Variants in AOAH observed in about 807,000 individuals in gnomAD.
AOAH encodes acyloxyacyl hydrolase (neutrophil).
In AOAH, 64 loss-of-function variants were observed where a neutral mutation model predicts 92.2. The observed-to-expected ratio is 0.69, with a 90% confidence interval of 0.57 to 0.86. The LOEUF is 0.86. Among genes scored for constraint, AOAH ranks in the 40% least tolerant of loss-of-function variants. AOAH has a pLI of 0.00. For synonymous variants in AOAH, 263 were observed against 254.5 expected (o/e 1.03, Z -0.32); for missense variants, 656 against 694.6 (o/e 0.94, Z 0.62).
At chr7:36,538,317 G>A (rs938723443) in intron 16 of AOAH, among the ~76,000 whole-genome samples, 3 of 151,932 alleles carry the variant, frequency 2.0e-5, no homozygotes, top group Non-Finnish European at 4.4e-5. Flanking sequence ...ATGAGCCACC[G>A]TGCCTGGCCT....
At chr7:36,642,332 A>G (rs1435698892) in intron 4 of AOAH, among the ~76,000 whole-genome samples, 1 of 152,142 alleles carries the variant, frequency 6.6e-6, no homozygotes, top group African/African-American at 2.4e-5. Flanking sequence ...AAAAAGACAC[A>G]TAGAGGGAAG....
chr7:36,650,429 T>C (rs1225484506), intron 4 of AOAH, among the ~76,000 whole-genome samples: 1 of 152,052 alleles, frequency 6.6e-6, no homozygotes, highest in African/African-American at 2.4e-5. Flanking sequence ...TGGGGATGCA[T>C]GGTTTTGGAT....
At chr7:36,575,349 AAG>A (rs2116625801) in intron 13 of AOAH, among the ~76,000 whole-genome samples, 1 of 152,348 alleles carries the variant, frequency 6.6e-6, no homozygotes, top group South Asian at 2.1e-4. Context: ...GTGGCTGAGG[AAG>A]AGAGTCTTGG....
At chr7:36,521,103 T>A (rs1423611778) in intron 20 of AOAH, among the ~76,000 whole-genome samples, 2 of 152,058 alleles carry the variant, frequency 1.3e-5, no homozygotes, top group African/African-American at 4.8e-5. Flanking sequence ...TTCAGGCTCT[T>A]GAGGGGACAA....
At chr7:36,585,469 C>T (rs1026895158) in intron 12 of AOAH, among the ~76,000 whole-genome samples, 17 of 152,100 alleles carry the variant, frequency 1.1e-4, no homozygotes, top group African/African-American at 4.1e-4. Context: ...AAAATGTAAA[C>T]ATTTGGGTCC....
chr7:36,552,804 T>G (rs753996626), intron 13 of AOAH, among the ~76,000 whole-genome samples: 5 of 152,176 alleles, frequency 3.3e-5, no homozygotes, highest in Non-Finnish European at 5.9e-5. Context: ...AGCTCCTACT[T>G]GTAAGTGAGA....
chr7:36,586,776 T>G (rs759597361), intron 12 of AOAH, among the ~76,000 whole-genome samples: 4 of 152,238 alleles, frequency 2.6e-5, no homozygotes, highest in Admixed American at 6.5e-5. Context: ...TCAATTCATT[T>G]TAGATTATTA....
At chr7:36,688,810 CACATATATTTATGTGTATATAT>C (rs1435079605) in intron 1 of AOAH, among the ~76,000 whole-genome samples, 1 of 151,532 alleles carries the variant, frequency 6.6e-6, no homozygotes, top group Non-Finnish European at 1.5e-5. Context: ...CACACACACA[CACATATATTTATGTGTATATAT>C]ACATATATAT....
At chr7:36,610,510 T>TA (rs1562618998) in intron 11 of AOAH, among the ~76,000 whole-genome samples, 23 of 141,602 alleles carry the variant, frequency 1.6e-4, no homozygotes, top group Non-Finnish European at 3.3e-4. Flanking sequence ...TTTTTTTTTT[T>TA]TAAAAAAAAA....
chr7:36,513,317 G>T lies in AOAH; in HGVS notation c.1663C>A (p.Leu555Met), dbSNP rs942231604. The T allele has an allele frequency of 6.2e-7, 1 of 1,614,018 alleles. No individual in the cohort carries two copies. The highest frequency in any genetic ancestry group is 1.3e-5 in the African/African-American group (1 of 74,902). Residue 555 changes from leucine to methionine, a missense_variant, in exon 21 of 21, where the codon CTG becomes ATG. By Grantham distance (15) the Leu-to-Met change is conservative. Coordinates refer to ENST00000617537, the MANE Select transcript of AOAH (RefSeq NM_001637.4). ...KKVQLQWPQI[L>M]GKENPFNPQI... is the part of the protein sequence containing the mutation. ...GGGTTGAACGGATTCTCCTTTCCCA[G>T]GATTTGGGGCCACTGGAGCTGCACC...
chr7:36,660,537 G>A (rs1237106971), intron 3 of AOAH, among the ~76,000 whole-genome samples: 2 of 152,040 alleles, frequency 1.3e-5, no homozygotes, highest in Admixed American at 6.5e-5. Flanking sequence ...GGCTGGTCTC[G>A]AACTCTTGAC....
intron 5 of AOAH, among the ~76,000 whole-genome samples, chr7:36,632,455 A>G (rs1045259709): frequency 2.0e-5 from 3 of 152,208 alleles, no homozygotes; most frequent in Non-Finnish European, 4.4e-5. Flanking sequence ...TTCAAACAAA[A>G]TAATTCCATC....
At chr7:36,573,435 T>C (rs777118922) in intron 13 of AOAH, among the ~76,000 whole-genome samples, 2 of 152,144 alleles carry the variant, frequency 1.3e-5, no homozygotes, top group Non-Finnish European at 2.9e-5. Flanking sequence ...AAATGCGTTA[T>C]AGGGTCAGGC....
intron 11 of AOAH, 92 bp from the exon 12 acceptor site, chr7:36,594,522 G>A (rs1329251079): frequency 1.9e-6 from 2 of 1,063,806 alleles, no homozygotes; most frequent in South Asian, 1.3e-5. Flanking sequence ...TGCTCTCTGT[G>A]TGTCTGTTTC....
chr7:36,603,856 A>G (rs1054493849), intron 11 of AOAH, among the ~76,000 whole-genome samples: 6 of 152,216 alleles, frequency 3.9e-5, no homozygotes, highest in Admixed American at 3.3e-4. Context: ...ATAATAGCAG[A>G]GTCATTTCAG....
intron 6 of AOAH, among the ~76,000 whole-genome samples, chr7:36,630,664 T>A (rs1793011935): frequency 6.6e-6 from 1 of 152,074 alleles, no homozygotes; most frequent in African/African-American, 2.4e-5. Flanking sequence ...CGTTTCAAGA[T>A]GATTCTGAGA....
intron 19 of AOAH, among the ~76,000 whole-genome samples, chr7:36,527,954 C>T (rs1478864641): frequency 6.6e-6 from 1 of 152,228 alleles, no homozygotes; most frequent in Non-Finnish European, 1.5e-5. Context: ...GTACCTGACT[C>T]TGAGCTTAAG....
At chr7:36,670,656 T>C (rs7778939) in intron 3 of AOAH, among the ~76,000 whole-genome samples, 98,913 of 151,776 alleles carry the variant, frequency 0.65, 32,368 homozygotes, top group Non-Finnish European at 0.67. Context: ...TTTTGTATTT[T>C]AGTAGAGACA....
chr7:36,591,859 G>C (rs187424955), intron 12 of AOAH, among the ~76,000 whole-genome samples: 1 of 152,178 alleles, frequency 6.6e-6, no homozygotes, highest in Non-Finnish European at 1.5e-5. Context: ...TGGTGTGTGC[G>C]AGCTGTAAGC....
Sources: gnomAD v4.1 joint callset for allele counts (sites outside exome capture counted in the v4.1 genomes callset) on GRCh38, gnomAD v4.1.1 for gene constraint, MANE v1.5 for transcripts, NCBI Gene and HGNC (gene_info 2026-07-23, HGNC 2026-07-21) for gene names.